Variants in MFSD11 observed in about 807,000 individuals in gnomAD.
MFSD11 encodes the protein major facilitator superfamily domain containing 11.
Under a neutral mutation model 53.5 loss-of-function variants are expected in MFSD11, and 36 were observed. That is an observed-to-expected ratio of 0.67 (90% CI 0.52 to 0.89). The LOEUF (loss-of-function observed/expected upper bound fraction) is 0.89. Among genes scored for constraint, MFSD11 ranks in the 40% least tolerant of loss-of-function variants. The pLI is 0.00. For synonymous variants in MFSD11, 186 were observed against 184.9 expected, an observed-to-expected ratio of 1.01 and a Z score of -0.05; for missense variants, 530 against 543.9, an observed-to-expected ratio of 0.97 and a Z score of 0.25.
intron 7 of MFSD11, among the ~76,000 whole-genome samples, chr17:76,749,714 A>C (rs890356016): frequency 6.6e-6 from 1 of 151,912 alleles, no homozygotes; most frequent in Admixed American, 6.6e-5. Flanking sequence ...ACATGGTGAA[A>C]CTCCGTCTCT....
intron 10 of MFSD11, among the ~76,000 whole-genome samples, 183 bp downstream of exon 10, chr17:76,770,054 C>CAA (rs950248104): frequency 7.5e-6 from 1 of 134,140 alleles, no homozygotes; most frequent in African/African-American, 3.0e-5. Context: ...TTTTTCCAGA[C>CAA]AGAGTCTCGC....
At chr17:76,742,794 G>A (rs768819404) in intron 5 of MFSD11, among the ~76,000 whole-genome samples, 7 of 152,144 alleles carry the variant, frequency 4.6e-5, no homozygotes, top group Non-Finnish European at 7.3e-5. Flanking sequence ...GTGAACCACC[G>A]TGCCTGGCCT....
intron 8 of MFSD11, among the ~76,000 whole-genome samples, chr17:76,757,879 T>A (rs2079809857): frequency 6.6e-6 from 1 of 151,910 alleles, no homozygotes; most frequent in Non-Finnish European, 1.5e-5. Context: ...GGCATGGTGG[T>A]GGGTGCCTGT....
chr17:76,749,278 C>T (rs2078827924), intron 7 of MFSD11, among the ~76,000 whole-genome samples: 1 of 152,062 alleles, frequency 6.6e-6, no homozygotes, highest in South Asian at 2.1e-4. Flanking sequence ...AATCATAGCA[C>T]TTTGGGAGGC....
In MFSD11 at chr17:76,738,261, C is replaced by T; in HGVS notation, c.-92C>T. On this transcript the variant is annotated 5_prime_UTR_variant, in exon 1 of 13. Transcript: ENST00000685175. ...CTCCTGCATCTGCCTTCTCCACTCACCATCTCATTTCTTTCTCCAGGATTG... is the reference window on the plus strand; with the variant it reads ...CTCCTGCATCTGCCTTCTCCACTCATCATCTCATTTCTTTCTCCAGGATTG... The T allele has an allele frequency of 2.5e-6, 2 of 805,398 alleles. No individual in the cohort carries two copies. Among genetic ancestry groups the T allele is most frequent in the Non-Finnish European group, 2.1e-6 (1 of 474,498 alleles). The allele number at this position is 805,398 out of a possible 1,614,324, so 49.9% of individuals were successfully genotyped here.
the MFSD11 span, among the ~76,000 whole-genome samples, chr17:76,795,303 G>A: frequency 1.8e-5 from 2 of 113,326 alleles, no homozygotes; most frequent in Admixed American, 1.0e-4. Flanking sequence ...CCAACATGGC[G>A]AAAACCTGTT....
In MFSD11 at chr17:76,764,796, A is replaced by G. The variant is rs796236177; in HGVS notation, c.683-2590A>G. Among the ~76,000 whole-genome samples, 15 of 152,188 alleles carry G rather than the reference A, an allele frequency of 9.9e-5. No homozygotes were observed. The South Asian group carries it at 3.1e-3, about 32-fold the overall frequency. On this transcript the variant is annotated intron_variant, in intron 8 of 12. Transcript: ENST00000685175. ...TTCCTTTGGATATATGCCCAGAGGT[A>G]GAATTGCTGGATCATAACATGTTTT...
chr17:76,754,274 ATG>A, intron 8 of MFSD11, 187 bp downstream of exon 8: 1 of 553,238 alleles, frequency 1.8e-6, no homozygotes, highest in Non-Finnish European at 3.2e-6. Flanking sequence ...TGAGGGATGG[ATG>A]ATGGTATGAC....
At chr17:76,782,634 A>G (rs1428548755), downstream of MFSD11, among the ~76,000 whole-genome samples, 1 of 150,916 alleles carries the variant, frequency 6.6e-6, no homozygotes, top group African/African-American at 2.4e-5. Flanking sequence ...GCACACCACC[A>G]TGCCCGGCTA....
downstream of MFSD11, among the ~76,000 whole-genome samples, chr17:76,783,718 C>T (rs1461203766): frequency 1.3e-5 from 2 of 152,102 alleles, no homozygotes; most frequent in African/African-American, 2.4e-5. Context: ...GCCACCACGC[C>T]CAGCCTATTT....
intron 5 of MFSD11, 33 bp from the exon 6 acceptor site, chr17:76,743,365 C>T: frequency 1.5e-6 from 2 of 1,357,964 alleles, no homozygotes; most frequent in Non-Finnish European, 2.1e-6. Flanking sequence ...AAAATAATTA[C>T]CCAACATCCT....
the MFSD11 span, among the ~76,000 whole-genome samples, chr17:76,789,014 C>T: frequency 6.7e-6 from 1 of 149,528 alleles, no homozygotes; most frequent in Non-Finnish European, 1.5e-5. Flanking sequence ...TAGTAATGCA[C>T]ACCTGTAATC....
chr17:76,742,107 T>G (rs764756058), intron 4 of MFSD11, 59 bp downstream of exon 4: 2 of 1,613,912 alleles, frequency 1.2e-6, no homozygotes, highest in Non-Finnish European at 1.7e-6. Flanking sequence ...CTAAGGGTAT[T>G]ATTTATGTGT....
intron 2 of MFSD11, among the ~76,000 whole-genome samples, chr17:76,740,736 G>A (rs1379096262): frequency 6.6e-6 from 1 of 152,138 alleles, no homozygotes; most frequent in African/African-American, 2.4e-5. Flanking sequence ...TGTATTGTAG[G>A]CAGACTGATC....
the MFSD11 span, among the ~76,000 whole-genome samples, chr17:76,794,735 C>CA: frequency 8.3e-6 from 1 of 120,598 alleles, no homozygotes. Context: ...CTCTGTCACT[C>CA]AGGCTGGAGT....
rs574251726 is a variant in MFSD11 at position 76,739,607 on chromosome 17, G to A, written c.152+614G>A. ...GTTAATTGACAAATGAAAATTGCCT[G>A]TTATTTATTGTGTACAACATGTTTT... On this transcript the variant is annotated intron_variant, in intron 2 of 12. Transcript: ENST00000685175. Among the ~76,000 whole-genome samples the A allele has an allele frequency of 2.0e-4, 31 of 152,210 alleles. No individual in the cohort carries two copies. In the South Asian group the frequency reaches 5.8e-3, roughly 28 times the overall value.
At position 76,738,390 on chromosome 17, in the gene MFSD11, T is replaced by C; in HGVS notation, c.38T>C (p.Ile13Thr). 6.2e-7 allele frequency: 1 copy of C among 1,614,186 alleles called. No individual in the cohort carries two copies. Among genetic ancestry groups the C allele is most frequent in the South Asian group, 1.1e-5 (1 of 91,080 alleles). The change falls in exon 1 of 13, where the codon ATT (isoleucine) becomes ACT (threonine). Residue 13 changes from isoleucine to threonine, a missense_variant. Physicochemically the swap from Ile to Thr is moderately conservative, Grantham distance 89. Transcript: ENST00000685175. ...PESKKLFNII[I>T]LGVAFMFMFT... is the part of the protein sequence containing the mutation. Reference sequence around the variant, plus strand: ...TCTAAAAAGCTTTTCAACATCATTATTTTAGGAGTTGCCTTTATGTTTATG... The same window carrying C: ...TCTAAAAAGCTTTTCAACATCATTACTTTAGGAGTTGCCTTTATGTTTATG...
intron 8 of MFSD11, among the ~76,000 whole-genome samples, chr17:76,762,871 C>T (rs2080424664): frequency 6.6e-6 from 1 of 151,336 alleles, no homozygotes; most frequent in African/African-American, 2.4e-5. Context: ...TCCCCACATT[C>T]CTTTTTTTTT....
At chr17:76,745,298 T>A (rs1299465561) in intron 7 of MFSD11, 1 of 152,228 alleles carries the variant, frequency 6.6e-6, no homozygotes, top group African/African-American at 2.4e-5. Flanking sequence ...ATGCTCCAGA[T>A]TTGCAGTAAG....
Sources: gnomAD v4.1 joint callset for allele counts (sites outside exome capture counted in the v4.1 genomes callset) on GRCh38, gnomAD v4.1.1 for gene constraint, MANE v1.5 for transcripts, NCBI Gene and HGNC (gene_info 2026-07-23, HGNC 2026-07-21) for gene names.